Variants in LTK observed in about 807,000 individuals in gnomAD.
The protein encoded by LTK is leukocyte receptor tyrosine kinase, also known as leukocyte tyrosine kinase receptor.
Under a neutral mutation model 101.5 loss-of-function variants are expected in LTK, and 117 were observed. The observed-to-expected ratio is 1.15, with a 90% CI of 0.99 to 1.34. The LOEUF is 1.34. Among genes scored for constraint, LTK ranks in the 40% most tolerant of loss-of-function variants. LTK has a pLI of 0.00. For synonymous variants in LTK, 563 were observed against 494.2 expected, an observed-to-expected ratio of 1.14 and a Z score of -1.85; for missense variants, 1,252 against 1,164.7, an observed-to-expected ratio of 1.07 and a Z score of -1.09.
rs1199564052 is a variant in LTK, at chr15:41,504,512, C to T, written c.2249G>A (p.Gly750Glu). ...GRMDPPRGCP[G>E]PVYRIMTQCW... ...CGGGCAGCACTCAACTCACACAGGC[C>T]CTGGGCAGCCCCTAGGAGGGTCCAT... is the stretch of plus-strand genomic sequence containing the variant. The change falls in exon 18 of 20, where the codon GGG (glycine) becomes GAG (glutamate). Residue 750 changes from glycine to glutamate, a missense_variant. Transcript: ENST00000263800. The T allele has an allele frequency of 6.2e-7, 1 of 1,612,948 alleles. No homozygotes were observed. The highest frequency in any genetic ancestry group is 1.1e-5 in the South Asian group (1 of 91,036).
Position 41,507,553 on chromosome 15 carries a change from G to A in LTK, c.1345+9C>T, listed in dbSNP as rs774740122. On this transcript the variant is annotated intron_variant, in intron 10 of 19. Coordinates refer to ENST00000263800, the MANE Select transcript of LTK (RefSeq NM_002344.6). ...CTTGAATCAACTGTGCCTGCTAGACGCTTCGTACCCAGAATCAGGACCCCA... is the reference window on the plus strand; with the variant it reads ...CTTGAATCAACTGTGCCTGCTAGACACTTCGTACCCAGAATCAGGACCCCA... 11 of 1,613,076 alleles carry A rather than the reference G, an allele frequency of 6.8e-6. No individual in the cohort carries two copies. The Admixed American group carries it at 8.3e-5, about 12-fold the overall frequency.
chr15:41,506,117 T>C lies in LTK; in HGVS notation c.1542-112A>G, dbSNP rs115389417. The C allele has an allele frequency of 2.5e-4, 168 of 681,608 alleles. 2 individuals carry two copies. The African/African-American group carries it at 2.7e-3, about 11-fold the overall frequency. 42.2% of individuals were successfully genotyped at this position (681,608 alleles called of 1,614,324 possible). On this transcript the variant is annotated intron_variant, in intron 11 of 19. Transcript: ENST00000263800. ...CCTGCCATATGCCCAGCTGACCCTATATAGACTCTCTCCATACCATGGCAT... is the reference window on the plus strand; with the variant it reads ...CCTGCCATATGCCCAGCTGACCCTACATAGACTCTCTCCATACCATGGCAT...
At position 41,511,552 on chromosome 15, in the gene LTK, C is replaced by T; in HGVS notation, c.684G>A (p.Leu228=). Residue 228 remains leucine, a synonymous_variant, in exon 6 of 20, where the codon TTG becomes TTA. Coordinates refer to ENST00000263800, the MANE Select transcript of LTK (RefSeq NM_002344.6). The surrounding 1 kb of genome is among the most constrained non-coding windows in gnomAD (Gnocchi z 5.9). Reference sequence around the variant, plus strand: ...GACCGCCGCCTCCGGCCGCCACCAGCAACGGTTCCAGCTCGCCAGCGCGCA... The same window carrying T: ...GACCGCCGCCTCCGGCCGCCACCAGTAACGGTTCCAGCTCGCCAGCGCGCA... ...FRVRAGELEP[L]LVAAGGGGRA... 6 of 1,456,088 alleles carry T rather than the reference C, an allele frequency of 4.1e-6. No homozygotes were observed. The highest frequency in any genetic ancestry group is 5.4e-6 in the Non-Finnish European group (6 of 1,117,074). The allele number at this position is 1,456,088 out of a possible 1,614,324, so 90.2% of individuals were successfully genotyped here.
rs1260680527 is a variant in LTK, at chr15:41,508,158, C to T, written c.1160G>A (p.Arg387Lys). ...GAGCTCTGCCTGCCATTGGCAGTCT[C>T]TCAAAGGGCAGTGACTGCAGTTGAG... The part of the protein sequence containing the change: ...RHLNCSHCPL[R>K]DCQWQAELQL... The change falls in exon 9 of 20, where the codon AGA becomes AAA. Residue 387 changes from arginine to lysine, a missense_variant. Transcript: ENST00000263800. 2 of 1,613,618 alleles carry T rather than the reference C, an allele frequency of 1.2e-6. No individual in the cohort carries two copies. The highest frequency in any genetic ancestry group is 1.6e-4 in the Middle Eastern group (1 of 6,062).
At position 41,504,540 on chromosome 15, in the gene LTK, G is replaced by A. The variant is rs370375739; in HGVS notation, c.2221C>T (p.Arg741Trp). Residue 741 changes from arginine (R) to tryptophan (W), a missense_variant, in exon 18 of 20, where the codon CGG becomes TGG. Transcript: ENST00000263800. ...EVLDFVVGGGRMDPPRGCPGP... is the reference protein window; with the variant it reads ...EVLDFVVGGGWMDPPRGCPGP... Reference sequence around the variant, plus strand: ...GGGCAGCCCCTAGGAGGGTCCATCCGGCCTCCTCCAACGACGAAGTCCAGC... The same window carrying A: ...GGGCAGCCCCTAGGAGGGTCCATCCAGCCTCCTCCAACGACGAAGTCCAGC... 8.9e-5 allele frequency: 144 copies of A among 1,613,694 alleles called. No individual in the cohort carries two copies. In the Admixed American group the frequency reaches 1.1e-3, roughly 12 times the overall value.
rs115129446 is a variant in LTK, at chr15:41,507,726, C to T, written c.1250-69G>A. The T allele has an allele frequency of 3.7e-5, 54 of 1,467,342 alleles. No homozygotes were observed. In the African/African-American group the frequency reaches 5.1e-4, roughly 14 times the overall value. 90.9% of individuals were successfully genotyped at this position (1,467,342 alleles called of 1,614,324 possible). On this transcript the variant is annotated intron_variant, in intron 9 of 19. Transcript: ENST00000263800. ...TTCCTTTACCCTCAAGTTTTACCCA[C>T]GCTTCAAGACTCAGCTCAAGTGTTA...
At chr15:41,505,643 A>C in intron 13 of LTK, 70 bp downstream of exon 13, 1 of 1,606,642 alleles carries the variant, frequency 6.2e-7, no homozygotes. Context: ...CCTCAGCCTC[A>C]GGGTGAAGAG....
At chr15:41,507,935 C>T in intron 9 of LTK, 134 bp downstream of exon 9, 1 of 953,900 alleles carries the variant, frequency 1.0e-6, no homozygotes, top group Non-Finnish European at 1.5e-6. Context: ...ACCGATGAAT[C>T]TCCAATCCCC....
At position 41,505,911 on chromosome 15, in the gene LTK, T is replaced by C. The variant is rs1411836766; in HGVS notation, c.1632+4A>G. On this transcript the variant is annotated splice_donor_region_variant and intron_variant, in intron 12 of 19. Transcript: ENST00000263800. The stretch of plus-strand genomic sequence containing the variant: ...CCCCCAGCCAGAAGTCCCACTCCTC[T>C]CACCTTGATAGCTACCTGCAGGGGA... 1.6e-5 allele frequency: 26 copies of C among 1,612,640 alleles called. No individual in the cohort carries two copies. The highest frequency in any genetic ancestry group is 2.2e-5 in the Non-Finnish European group (26 of 1,178,948).
chr15:41,507,003 T>A (rs539800031), intron 11 of LTK, 92 bp downstream of exon 11: 4 of 1,330,112 alleles, frequency 3.0e-6, no homozygotes, highest in Non-Finnish European at 4.2e-6. Context: ...GGGCCAGATT[T>A]TTTCTGGGAC....
rs954372603 is a variant in LTK, at chr15:41,511,995, C to A, written c.511-32G>T. The A allele has an allele frequency of 1.4e-6, 2 of 1,441,270 alleles. No individual in the cohort carries two copies. Among genetic ancestry groups the A allele is most frequent in the Non-Finnish European group, 1.8e-6 (2 of 1,105,108 alleles). The allele number at this position is 1,441,270 out of a possible 1,614,324, so 89.3% of individuals were successfully genotyped here. A position where few individuals can be genotyped will look rare whatever the true frequency, so the allele number is the denominator to read the frequency against. ...GCAGCGGGGGAGGGAATCGGCGGGG[C>A]CCGGGAGCCTCCCCTCGCTGTGCTG... On this transcript the variant is annotated intron_variant, in intron 4 of 19. Coordinates refer to ENST00000263800, the MANE Select transcript of LTK (RefSeq NM_002344.6). This position sits in a 1 kb window ranked among gnomAD's most constrained non-coding sequence, Gnocchi z 5.9.
chr15:41,511,826 G>A lies in LTK; in HGVS notation c.648C>T (p.Tyr216=), dbSNP rs1373902449. The A allele has an allele frequency of 2.7e-6, 4 of 1,490,256 alleles. No homozygotes were observed. Among genetic ancestry groups the A allele is most frequent in the East Asian group, 2.8e-5 (1 of 36,074 alleles). The allele number at this position is 1,490,256 out of a possible 1,614,324, so 92.3% of individuals were successfully genotyped here. ...CGAAGGGAGCACGTACCCGGAAAAC[G>A]TAGGTGGCGCCCCCGCCACCCCCGC... ...GGGGGGGGAT[Y]VFRVRAGELE... Residue 216 remains tyrosine, a synonymous_variant, in exon 5 of 20, where the codon TAC becomes TAT. Coordinates refer to ENST00000263800, the MANE Select transcript of LTK (RefSeq NM_002344.6). This position sits in a 1 kb window ranked among gnomAD's most constrained non-coding sequence, Gnocchi z 5.9.
At chr15:41,505,807 C>T in intron 12 of LTK, 30 bp from the exon 13 acceptor site, 1 of 1,610,854 alleles carries the variant, frequency 6.2e-7, no homozygotes, top group Non-Finnish European at 8.5e-7. Context: ...AGTTTCTGAG[C>T]TGCCCTGCAC....
chr15:41,504,964 T>C lies in LTK; in HGVS notation c.2018+8A>G. ...AGCAAGAGCCTTCCCACCTCCCAAG[T>C]CCCGCACCGGTAGATATCTCGTGCC... On this transcript the variant is annotated splice_region_variant and intron_variant, in intron 16 of 19. Transcript: ENST00000263800. 2 of 1,606,988 alleles carry C rather than the reference T, an allele frequency of 1.2e-6. No individual in the cohort carries two copies. The highest frequency in any genetic ancestry group is 1.7e-6 in the Non-Finnish European group (2 of 1,176,028).
At chr15:41,505,179 G>A (rs777318086) in intron 15 of LTK, 29 bp downstream of exon 15, 1 of 1,605,644 alleles carries the variant, frequency 6.2e-7, no homozygotes, top group Admixed American at 1.7e-5. Flanking sequence ...GTTGGGATGG[G>A]GGTCCCCTGA....
intron 18 of LTK, 28 bp from the exon 19 acceptor site, chr15:41,504,460 C>T: frequency 6.2e-7 from 1 of 1,613,924 alleles, no homozygotes. Context: ...TTCATGCCCA[C>T]CCATGGTTGT....
Position 41,511,305 on chromosome 15 carries a change from C to T in LTK, c.856G>A (p.Ala286Thr). 1 of 1,371,986 alleles carries T rather than the reference C, an allele frequency of 7.3e-7. No individual in the cohort carries two copies. Among genetic ancestry groups the T allele is most frequent in the Non-Finnish European group, 9.3e-7 (1 of 1,070,716 alleles). The allele number at this position is 1,371,986 out of a possible 1,614,324, so 85.0% of individuals were successfully genotyped here. Residue 286 changes from alanine (A) to threonine (T), a missense_variant, in exon 7 of 20, where the codon GCC (alanine) becomes ACC (threonine). By Grantham distance (58) the Ala-to-Thr change is moderately conservative. Coordinates refer to ENST00000263800, the MANE Select transcript of LTK (RefSeq NM_002344.6). This position sits in a 1 kb window ranked among gnomAD's most constrained non-coding sequence, Gnocchi z 5.9. ...GCCCCCTCCTGCAGTGAGCGGCCGG[C>T]CTGCGGAGAGGGAGCCCGCGACGTC... ...GWTSRAPSPQ[A>T]GRSLQEGAEG...
Position 41,505,428 on chromosome 15 carries a change from A to T in LTK, c.1800T>A (p.Ser600Arg), listed in dbSNP as rs993070114. ...LELMSGGDMK[S>R]FLRHSRPHLG... ...GGTGTGGCCGACTGTGCCTCAGGAA[A>T]CTCTTCATGTCCCCTCCAGACATCA... Residue 600 changes from serine to arginine, a missense_variant, in exon 14 of 20, where the codon AGT becomes AGA. Coordinates refer to ENST00000263800, the MANE Select transcript of LTK (RefSeq NM_002344.6). 6.2e-7 allele frequency: 1 copy of T among 1,613,598 alleles called. No individual in the cohort carries two copies. The highest frequency in any genetic ancestry group is 8.5e-7 in the Non-Finnish European group (1 of 1,179,876).
chr15:41,511,681 CCCCCAGCCCA>C lies in LTK; in HGVS notation c.658-113_658-104del. ...CAGGGGGCCTGGATAAGGGCAGGGG[CCCCCAGCCCA>C]GCCCAGGCCAGCCCAGCCCAGCGCA... On this transcript the variant is annotated intron_variant, in intron 5 of 19. Coordinates refer to ENST00000263800, the MANE Select transcript of LTK (RefSeq NM_002344.6). The surrounding 1 kb of genome is among the most constrained non-coding windows in gnomAD (Gnocchi z 5.9). 2 of 1,401,846 alleles carry C rather than the reference CCCCCAGCCCA, an allele frequency of 1.4e-6. No individual in the cohort carries two copies. The highest frequency in any genetic ancestry group is 1.8e-6 in the Non-Finnish European group (2 of 1,084,366). The allele number at this position is 1,401,846 out of a possible 1,614,324, so 86.8% of individuals were successfully genotyped here.
Sources: allele counts gnomAD v4.1 joint callset, GRCh38; gene constraint gnomAD v4.1.1; non-coding constraint Gnocchi (gnomAD v3.1); transcripts MANE v1.5; gene names NCBI Gene and HGNC (gene_info 2026-07-23, HGNC 2026-07-21).